The following POTEF variants were observed in gnomAD, a reference collection of about 807,000 sequenced individuals.
POTEF encodes POTE ankyrin domain family member F.
A neutral mutation model predicts 83.2 loss-of-function variants in POTEF; 20 were observed. The ratio of observed to expected loss-of-function variants is 0.24; its 90% CI spans 0.17 to 0.35. The LOEUF (loss-of-function observed/expected upper bound fraction) is 0.35. Among genes scored for constraint, POTEF ranks in the 10% least tolerant of loss-of-function variants. The probability of loss-of-function intolerance (pLI) is 1.00; values close to 1 mark genes in which losing one functional copy is unlikely to be tolerated. For missense variants in POTEF, 550 were observed against 1,203.2 expected, an observed-to-expected ratio of 0.46 and a Z score of 8.03; for synonymous variants, 196 against 446.4, an observed-to-expected ratio of 0.44 and a Z score of 7.07.
At position 130,118,198 on chromosome 2, in the gene POTEF, C is replaced by T. The variant is rs1170607086; in HGVS notation, c.521+1797G>A. On this transcript the variant is annotated intron_variant, in intron 3 of 16. Transcript: ENST00000409914. ...TTCATGATCCACCTGCCTCAGCCTC[C>T]TAAAGTGCTGGGGTAACAGGCGTAA... 2.6e-5 allele frequency among the ~76,000 whole-genome samples: 4 copies of T among 151,988 alleles called. No individual in the cohort carries two copies. The South Asian group carries it at 8.3e-4, about 32-fold the overall frequency.
chr2:130,123,045 T>C (rs1188699940), intron 2 of POTEF, among the ~76,000 whole-genome samples: 3 of 134,506 alleles, frequency 2.2e-5, no homozygotes, highest in East Asian at 4.1e-4. Context: ...CATTTGTAAT[T>C]TGACATCAAA....
At chr2:130,119,034 C>T (rs908807734) in intron 3 of POTEF, among the ~76,000 whole-genome samples, 5 of 152,000 alleles carry the variant, frequency 3.3e-5, no homozygotes, top group Admixed American at 6.6e-5. Context: ...GGAAAAGCAG[C>T]CTTTTTCCAT....
chr2:130,111,640 G>A (rs1482948492), intron 6 of POTEF, among the ~76,000 whole-genome samples: 1 of 151,028 alleles, frequency 6.6e-6, no homozygotes, highest in East Asian at 1.9e-4. Flanking sequence ...GTAAGACACA[G>A]GTTAAAAACT....
chr2:130,114,778 G>A (rs1156873038), intron 5 of POTEF, 103 bp downstream of exon 5: 2 of 1,482,486 alleles, frequency 1.3e-6, no homozygotes, highest in East Asian at 4.7e-5. Context: ...TTTCCATTCA[G>A]GTTATGCTTG....
At chr2:130,094,790 AAAAATAAAAT>A (rs1208116255) in intron 11 of POTEF, among the ~76,000 whole-genome samples, 509 of 55,486 alleles carry the variant, frequency 9.2e-3, no homozygotes, top group Non-Finnish European at 0.013. Flanking sequence ...TCCATCTCAA[AAAAATAAAAT>A]AAAATAAAAT....
Position 130,120,033 on chromosome 2 carries a change from G to A in POTEF, c.483C>T (p.Leu161=). The stretch of plus-strand genomic sequence containing the variant: ...CCTGCTTGTTCACGTCAGTGTCCCT[G>A]AGCATGACGATGAGATCCTTTCTGG... The part of the protein sequence containing the change: ...KVPRKDLIVM[L]RDTDVNKQDK... Residue 161 remains leucine (L), a synonymous_variant, in exon 3 of 17, where the codon CTC becomes CTT. Transcript: ENST00000409914. 1 of 1,440,424 alleles carries A rather than the reference G, an allele frequency of 6.9e-7. No individual in the cohort carries two copies. The highest frequency in any genetic ancestry group is 9.5e-7 in the Non-Finnish European group (1 of 1,050,610). The allele number at this position is 1,440,424 out of a possible 1,614,324, so 89.2% of individuals were successfully genotyped here.
rs137960702 is a variant in POTEF at position 130,102,983 on chromosome 2, A to G, written c.1127-803T>C. On this transcript the variant is annotated intron_variant, in intron 8 of 16. Transcript: ENST00000409914. ...GCCTCCTGCTTTCTGCAACAATAGT[A>G]CCTTACAAATGATTTCAAAAATTAC... Among the ~76,000 whole-genome samples the G allele has an allele frequency of 2.6e-5, 4 of 151,412 alleles. 1 individual carries two copies. The East Asian group carries it at 5.8e-4, about 22-fold the overall frequency.
intron 1 of POTEF, among the ~76,000 whole-genome samples, chr2:130,128,122 A>C (rs1454445664): frequency 5.4e-5 from 8 of 147,956 alleles, no homozygotes; most frequent in African/African-American, 1.0e-4. Flanking sequence ...GGAGAAACTC[A>C]GACCCAGCCA....
chr2:130,116,246 G>A (rs1242653674), intron 3 of POTEF, among the ~76,000 whole-genome samples: 12 of 151,360 alleles, frequency 7.9e-5, no homozygotes, highest in African/African-American at 1.7e-4. Context: ...TTTATACAAT[G>A]TATGTACATC....
intron 3 of POTEF, among the ~76,000 whole-genome samples, chr2:130,117,051 G>A (rs139374091): frequency 0.05 from 7,430 of 149,980 alleles, 730 homozygotes; most frequent in African/African-American, 0.18. Context: ...ACACAGCTTG[G>A]GAGTTCAATA....
intron 7 of POTEF, 44 bp from the exon 8 acceptor site, chr2:130,108,123 G>A: frequency 6.5e-7 from 1 of 1,534,984 alleles, no homozygotes; most frequent in Non-Finnish European, 8.8e-7. Context: ...TTTTAATACT[G>A]ATATAAAAAA....
chr2:130,073,807 AAC>A lies in POTEF; in HGVS notation c.*435_*436del, dbSNP rs1451438558. Among the ~76,000 whole-genome samples the A allele has an allele frequency of 6.8e-6, 1 of 147,560 alleles. No individual in the cohort carries two copies. Among genetic ancestry groups the A allele is most frequent in the Non-Finnish European group, 1.5e-5 (1 of 66,562 alleles). On this transcript the variant is annotated 3_prime_UTR_variant, in exon 17 of 17. Transcript: ENST00000409914. ...CACGAAGGCTGATCATTCAAAATAA[AAC>A]AAAATTAAAAAGTATTAAGGCGAAG...
At chr2:130,108,101 A>C (rs2104811017) in intron 7 of POTEF, 22 bp from the exon 8 acceptor site, 1 of 1,568,676 alleles carries the variant, frequency 6.4e-7, no homozygotes, top group African/African-American at 1.4e-5. Flanking sequence ...AATGTAATAA[A>C]CCAAATTACT....
Position 130,125,962 on chromosome 2 carries a change from G to A in POTEF, c.-94+1747C>T, listed in dbSNP as rs537302761. The stretch of plus-strand genomic sequence containing the variant: ...CGACTTCCTTTTTCTCTTGCAAAGA[G>A]GTGGTGATGAACCAGGTTTGCTCAG... On this transcript the variant is annotated intron_variant, in intron 2 of 16. Coordinates refer to ENST00000409914, the MANE Select transcript of POTEF (RefSeq NM_001099771.2). Among the ~76,000 whole-genome samples the A allele has an allele frequency of 1.5e-4, 23 of 151,384 alleles. No individual in the cohort carries two copies. The East Asian group carries it at 4.3e-3, about 28-fold the overall frequency.
intron 3 of POTEF, among the ~76,000 whole-genome samples, chr2:130,118,943 T>C (rs1684920512): frequency 6.6e-6 from 1 of 151,150 alleles, no homozygotes; most frequent in South Asian, 2.1e-4. Context: ...CTAAATTTCC[T>C]ATTCTGTTGT....
chr2:130,083,461 G>A (rs1162238320), intron 15 of POTEF, among the ~76,000 whole-genome samples: 1 of 145,838 alleles, frequency 6.9e-6, no homozygotes, highest in Admixed American at 6.8e-5. Flanking sequence ...AAGGCAGGAG[G>A]AAAAGCCTGA....
At chr2:130,091,571 TA>T (rs1197843211) in intron 12 of POTEF, among the ~76,000 whole-genome samples, 1 of 152,132 alleles carries the variant, frequency 6.6e-6, no homozygotes, top group East Asian at 1.9e-4. Context: ...GAGACGTGAA[TA>T]AAACACTGTC....
At chr2:130,102,764 A>G (rs1684408881) in intron 8 of POTEF, among the ~76,000 whole-genome samples, 1 of 151,578 alleles carries the variant, frequency 6.6e-6, no homozygotes, top group African/African-American at 2.4e-5. Flanking sequence ...CCTTCAATGC[A>G]GCTGCAAGGT....
intron 16 of POTEF, 31 bp downstream of exon 16, chr2:130,077,049 TA>T: frequency 1.6e-6 from 1 of 609,324 alleles, no homozygotes; most frequent in Non-Finnish European, 2.8e-6. Context: ...TACACACATA[TA>T]AAAACATTTG....
Sources: allele counts gnomAD v4.1 joint callset (sites outside exome capture counted in the v4.1 genomes callset), GRCh38; gene constraint gnomAD v4.1.1; transcripts MANE v1.5; gene names NCBI Gene and HGNC (gene_info 2026-07-23, HGNC 2026-07-21).